TIGIT: variants seen among roughly 807,000 people sequenced by gnomAD.
TIGIT encodes the protein T cell immunoreceptor with Ig and ITIM domains.
A neutral mutation model predicts 19.6 loss-of-function variants in TIGIT; 11 were observed. That is an observed-to-expected ratio of 0.56 (90% CI 0.35 to 0.93). TIGIT has a LOEUF of 0.93. Among genes scored for constraint, TIGIT ranks in the 40% least tolerant of loss-of-function variants. The pLI is 0.01. For missense variants in TIGIT, 295 were observed against 303.9 expected (o/e 0.97, Z 0.22); for synonymous variants, 130 against 125.5 (o/e 1.04, Z -0.24).
chr3:114,305,864 G>GGATAGATAGATA (rs747740694), intron 3 of TIGIT, among the ~76,000 whole-genome samples: 1,519 of 145,128 alleles, frequency 0.01, 19 homozygotes, highest in East Asian at 0.019. Flanking sequence ...ATGGATGGAT[G>GGATAGATAGATA]GATAGATAGA....
chr3:114,303,602 T>C (rs2078510739), intron 3 of TIGIT, among the ~76,000 whole-genome samples: 1 of 61,548 alleles, frequency 1.6e-5, no homozygotes, highest in African/African-American at 4.4e-5. Flanking sequence ...TATATGTATA[T>C]ATATATATAC....
chr3:114,299,875 C>G (rs555626043), intron 3 of TIGIT, among the ~76,000 whole-genome samples, 172 bp downstream of exon 3: 1 of 152,288 alleles, frequency 6.6e-6, no homozygotes, highest in East Asian at 1.9e-4. Context: ...TTATGCTCTT[C>G]CGTTGTCCCT....
chr3:114,294,069 G>C lies in TIGIT; in HGVS notation c.8G>C (p.Trp3Ser). The C allele has an allele frequency of 1.9e-6, 3 of 1,552,854 alleles. No homozygotes were observed. Among genetic ancestry groups the C allele is most frequent in the Non-Finnish European group, 2.6e-6 (3 of 1,147,450 alleles). Reference sequence around the variant, plus strand: ...GGCCCTCTGGGCAGAAGCATGCGCTGGTGTCTCCTCCTGATCTGGGCCCAG... The same window carrying C: ...GGCCCTCTGGGCAGAAGCATGCGCTCGTGTCTCCTCCTGATCTGGGCCCAG... MR[W>S]CLLLIWAQGL... Residue 3 changes from tryptophan to serine, a missense_variant, in exon 1 of 4, where the codon TGG becomes TCG. By Grantham distance (177) the Trp-to-Ser change is radical. Coordinates refer to ENST00000383671, the MANE Select transcript of TIGIT (RefSeq NM_173799.4).
At chr3:114,299,511 T>A in intron 2 of TIGIT, 86 bp from the exon 3 acceptor site, 2 of 1,026,340 alleles carry the variant, frequency 1.9e-6, no homozygotes, top group Admixed American at 1.7e-5. Context: ...AATCCTCCCC[T>A]CTCTGCCGTG....
chr3:114,302,592 T>C (rs2078499474), intron 3 of TIGIT, among the ~76,000 whole-genome samples: 1 of 152,224 alleles, frequency 6.6e-6, no homozygotes, highest in Non-Finnish European at 1.5e-5. Context: ...CTTTAAGTGC[T>C]GCTATCTGTT....
At chr3:114,307,202 C>T (rs1408566697) in intron 3 of TIGIT, among the ~76,000 whole-genome samples, 4 of 152,068 alleles carry the variant, frequency 2.6e-5, no homozygotes, top group Non-Finnish European at 5.9e-5. Flanking sequence ...GTGATGGTGT[C>T]GTTTGAGACA....
At chr3:114,301,488 T>C (rs1293001808) in intron 3 of TIGIT, among the ~76,000 whole-genome samples, 1 of 152,214 alleles carries the variant, frequency 6.6e-6, no homozygotes, top group Non-Finnish European at 1.5e-5. Flanking sequence ...AAGATGAAAG[T>C]TGATCTCTTA....
At position 114,296,047 on chromosome 3, in the gene TIGIT, C is replaced by G. The variant is rs1576135888; in HGVS notation, c.391+173C>G. ...CACCCAGACCAATTCAATCAGAATC[C>G]CTAATAGCAGAGCTAAACAAGGGTA... is the stretch of plus-strand genomic sequence containing the variant. On this transcript the variant is annotated intron_variant, in intron 2 of 3. Transcript: ENST00000383671. 2.7e-5 allele frequency: 16 copies of G among 594,218 alleles called. No homozygotes were observed. The East Asian group carries it at 4.6e-4, about 17-fold the overall frequency. The allele number at this position is 594,218 out of a possible 1,614,324, so 36.8% of individuals were successfully genotyped here. A position where few individuals can be genotyped will look rare whatever the true frequency, so the allele number is the denominator to read the frequency against.
intron 2 of TIGIT, among the ~76,000 whole-genome samples, 186 bp from the exon 3 acceptor site, chr3:114,299,411 T>C (rs897637538): frequency 6.6e-6 from 1 of 152,208 alleles, no homozygotes; most frequent in Non-Finnish European, 1.5e-5. Context: ...ATATCAGTCA[T>C]TGATTTCATG....
intron 3 of TIGIT, among the ~76,000 whole-genome samples, chr3:114,303,738 C>T (rs1419586637): frequency 2.6e-5 from 4 of 151,634 alleles, no homozygotes; most frequent in Admixed American, 6.6e-5. Flanking sequence ...GCAAATTGTG[C>T]TGCTTTTTGT....
chr3:114,299,932 T>C (rs977712885), intron 3 of TIGIT, among the ~76,000 whole-genome samples: 5 of 152,182 alleles, frequency 3.3e-5, no homozygotes, highest in African/African-American at 7.2e-5. Flanking sequence ...TTCCTACCCA[T>C]CTTGCTGTCA....
chr3:114,301,597 G>C (rs1263513730), intron 3 of TIGIT, among the ~76,000 whole-genome samples: 1 of 152,224 alleles, frequency 6.6e-6, no homozygotes, highest in Non-Finnish European at 1.5e-5. Context: ...TCTTTAGAAG[G>C]AGCTGAACAA....
Position 114,308,495 on chromosome 3 carries a change from G to C in TIGIT, c.*364G>C, listed in dbSNP as rs904037959. On this transcript the variant is annotated 3_prime_UTR_variant, in exon 4 of 4. Transcript: ENST00000383671. ...TACAAGGTTTTGTGGTTGATGATGAGGATGGCATGACTGCAGAGCCATCCT... is the reference window on the plus strand; with the variant it reads ...TACAAGGTTTTGTGGTTGATGATGACGATGGCATGACTGCAGAGCCATCCT... 2 of 191,170 alleles carry C rather than the reference G, an allele frequency of 1.0e-5. No individual in the cohort carries two copies. Among genetic ancestry groups the C allele is most frequent in the Admixed American group, 1.1e-4 (2 of 17,548 alleles). 11.8% of individuals were successfully genotyped at this position (191,170 alleles called of 1,614,324 possible).
rs564253336 is a variant in TIGIT at position 114,305,849 on chromosome 3, G to A, written c.499-2046G>A. ...GGATGGTTGGATGGATGGATGGGTG[G>A]GTGGATGGATGGATGGATAGATAGA... On this transcript the variant is annotated intron_variant, in intron 3 of 3. Coordinates refer to ENST00000383671, the MANE Select transcript of TIGIT (RefSeq NM_173799.4). 9.3e-4 allele frequency among the ~76,000 whole-genome samples: 140 copies of A among 149,746 alleles called. 1 individual carries two copies. The highest frequency in any genetic ancestry group is 1.8e-3 in the East Asian group (9 of 4,874).
chr3:114,307,557 A>G (rs1383286090), intron 3 of TIGIT: 1 of 241,112 alleles, frequency 4.1e-6, no homozygotes, highest in Non-Finnish European at 8.1e-6. Flanking sequence ...ATCCAGAGAA[A>G]GAGAACATTT....
intron 2 of TIGIT, among the ~76,000 whole-genome samples, chr3:114,297,184 T>C (rs2078459208): frequency 6.6e-6 from 1 of 152,162 alleles, no homozygotes. Flanking sequence ...TGATTTCACA[T>C]AGGCCAAACA....
At chr3:114,295,946 C>T in intron 2 of TIGIT, 72 bp downstream of exon 2, 4 of 1,214,760 alleles carry the variant, frequency 3.3e-6, no homozygotes, top group Non-Finnish European at 3.5e-6. Flanking sequence ...TGAAACACTG[C>T]ACAGCAGGGC....
intron 3 of TIGIT, among the ~76,000 whole-genome samples, chr3:114,305,388 G>A (rs759306058): frequency 6.6e-6 from 1 of 152,170 alleles, no homozygotes; most frequent in African/African-American, 2.4e-5. Context: ...CCCGGAAATA[G>A]AGCCTGACAT....
At chr3:114,305,777 T>G in intron 3 of TIGIT, among the ~76,000 whole-genome samples, 1 of 124,160 alleles carries the variant, frequency 8.1e-6, no homozygotes, top group Non-Finnish European at 1.8e-5. Flanking sequence ...CAATAGGAGA[T>G]ATAGATGGAT....
Sources: allele counts gnomAD v4.1 joint callset (sites outside exome capture counted in the v4.1 genomes callset), GRCh38; gene constraint gnomAD v4.1.1; transcripts MANE v1.5; gene names NCBI Gene and HGNC (gene_info 2026-07-23, HGNC 2026-07-21).